Variants in ZNF12 observed in about 807,000 individuals in gnomAD.
ZNF12 encodes the protein zinc finger protein 12.
A neutral mutation model predicts 66.6 loss-of-function variants in ZNF12; 34 were observed. The ratio of observed to expected loss-of-function variants is 0.51; its 90% CI spans 0.39 to 0.68. The LOEUF is 0.68. Ranked by LOEUF, ZNF12 falls within the 30% of genes least tolerant of loss-of-function variation. The pLI, the probability that ZNF12 is intolerant of heterozygous loss-of-function variation, is 0.00. For synonymous variants in ZNF12, 320 were observed against 278.9 expected (o/e 1.15, Z -1.47); for missense variants, 697 against 826.9 (o/e 0.84, Z 1.93).
intron 4 of ZNF12, among the ~76,000 whole-genome samples, chr7:6,694,218 C>G (rs76994319): frequency 8.6e-5 from 13 of 151,902 alleles, no homozygotes; most frequent in African/African-American, 2.9e-4. Flanking sequence ...GATCCCTTAC[C>G]ATGCTCCTAA....
chr7:6,706,392 C>T (rs776093021), intron 1 of ZNF12, 40 bp downstream of exon 1: 2 of 461,424 alleles, frequency 4.3e-6, no homozygotes, highest in Non-Finnish European at 4.3e-6. Flanking sequence ...TGACTTCACC[C>T]AGGCCCTTCT....
At position 6,691,957 on chromosome 7, in the gene ZNF12, C is replaced by T. The variant is rs775349491; in HGVS notation, c.985G>A (p.Glu329Lys). Residue 329 changes from glutamate (E) to lysine (K), a missense_variant, in exon 5 of 5, where the codon GAA becomes AAA. Glu to Lys is a moderately conservative substitution (Grantham distance 56, BLOSUM62 1). Transcript: ENST00000405858. ...TTCTGGTAAAAGTTCTTCCCACATTCATTACATTCATAGGGCTTCTCCCCT... is the reference window on the plus strand; with the variant it reads ...TTCTGGTAAAAGTTCTTCCCACATTTATTACATTCATAGGGCTTCTCCCCT... ...HTGEKPYECN[E>K]CGKNFYQKLH... 1 of 1,614,092 alleles carries T rather than the reference C, an allele frequency of 6.2e-7. No individual in the cohort carries two copies. The highest frequency in any genetic ancestry group is 8.5e-7 in the Non-Finnish European group (1 of 1,179,998).
rs777580545 is a variant in ZNF12 at position 6,691,058 on chromosome 7, T to C, written c.1884A>G (p.Ser628=). 6.2e-7 allele frequency: 1 copy of C among 1,614,184 alleles called. No homozygotes were observed. The highest frequency in any genetic ancestry group is 2.2e-5 in the East Asian group (1 of 44,870). ...SYLTIHHRIH[S]GEKPFECNEC... is the part of the protein sequence containing the mutation. ...CATTACATTCAAAGGGTTTCTCTCC[T>C]GAATGAATTCGATGATGTATAGTGA... Residue 628 remains serine (S), a synonymous_variant, in exon 5 of 5, where the codon TCA becomes TCG. Transcript: ENST00000405858.
In ZNF12 at chr7:6,705,322, C is replaced by T. The variant is rs1054304562; in HGVS notation, c.-50-99G>A. ...CCTACACAGAAAGTTCCAAGAAGTA[C>T]ATCTTGTGGGAGACTGTCCCTTTAA... On this transcript the variant is annotated intron_variant, in intron 1 of 4. Coordinates refer to ENST00000405858, the MANE Select transcript of ZNF12 (RefSeq NM_016265.4). This position sits in a 1 kb window ranked among gnomAD's most constrained non-coding sequence, Gnocchi z 4.0. 7.0e-6 allele frequency: 6 copies of T among 854,164 alleles called. No individual in the cohort carries two copies. Among genetic ancestry groups the T allele is most frequent in the East Asian group, 5.3e-5 (2 of 37,580 alleles). The allele number at this position is 854,164 out of a possible 1,614,324, so 52.9% of individuals were successfully genotyped here. A position where few individuals can be genotyped will look rare whatever the true frequency, so the allele number is the denominator to read the frequency against.
Position 6,697,203 on chromosome 7 carries a change from T to C in ZNF12, c.238+136A>G, listed in dbSNP as rs1165810839. 5.1e-5 allele frequency: 30 copies of C among 590,530 alleles called. No homozygotes were observed. Among genetic ancestry groups the C allele is most frequent in the Non-Finnish European group, 8.6e-5 (30 of 350,720 alleles). The allele number at this position is 590,530 out of a possible 1,614,324, so 36.6% of individuals were successfully genotyped here. On this transcript the variant is annotated intron_variant, in intron 4 of 4. Transcript: ENST00000405858. This position sits in a 1 kb window ranked among gnomAD's most constrained non-coding sequence, Gnocchi z 6.1. ...AGTTCTTACGGGGAAGGAAGAAGTC[T>C]TTGGGAGTGAGATTCAGGTTCATAG...
intron 4 of ZNF12, among the ~76,000 whole-genome samples, chr7:6,694,217 C>A (rs372144230): frequency 3.3e-5 from 5 of 151,856 alleles, no homozygotes; most frequent in African/African-American, 1.2e-4. Context: ...AGATCCCTTA[C>A]CATGCTCCTA....
Position 6,698,151 on chromosome 7 carries a change from C to T in ZNF12, c.16-340G>A. ...CAGAACCCCAGGATGCACTCTGCTTCTTTGCACATTCTTCAATTTGCTTCT... is the reference window on the plus strand; with the variant it reads ...CAGAACCCCAGGATGCACTCTGCTTTTTTGCACATTCTTCAATTTGCTTCT... On this transcript the variant is annotated intron_variant, in intron 2 of 4. Coordinates refer to ENST00000405858, the MANE Select transcript of ZNF12 (RefSeq NM_016265.4). The surrounding 1 kb of genome is among the most constrained non-coding windows in gnomAD (Gnocchi z 4.4). The T allele has an allele frequency of 2.1e-6, 1 of 478,376 alleles. No individual in the cohort carries two copies. Among genetic ancestry groups the T allele is most frequent in the Non-Finnish European group, 4.0e-6 (1 of 250,810 alleles). The allele number at this position is 478,376 out of a possible 1,614,324, so 29.6% of individuals were successfully genotyped here.
rs986046743 is a variant in ZNF12, at chr7:6,696,951, G to C, written c.238+388C>G. Among the ~76,000 whole-genome samples, 6 of 151,214 alleles carry C rather than the reference G, an allele frequency of 4.0e-5. No individual in the cohort carries two copies. The highest frequency in any genetic ancestry group is 1.5e-4 in the African/African-American group (6 of 41,026). On this transcript the variant is annotated intron_variant, in intron 4 of 4. Coordinates refer to ENST00000405858, the MANE Select transcript of ZNF12 (RefSeq NM_016265.4). The surrounding 1 kb of genome is among the most constrained non-coding windows in gnomAD (Gnocchi z 4.0). ...GAACAGGGTCCAGAAACAGTCTCAG[G>C]CACTGCACGGTAAAGATTAAAAAAA...
intron 1 of ZNF12, 60 bp downstream of exon 1, chr7:6,706,372 C>A: frequency 2.2e-6 from 1 of 456,564 alleles, no homozygotes; most frequent in Non-Finnish European, 4.4e-6. Context: ...CTAAGGTGCC[C>A]TACACGCGGT....
At position 6,690,254 on chromosome 7, in the gene ZNF12, A is replaced by C. The variant is rs1275793818; in HGVS notation, c.*594T>G. The stretch of plus-strand genomic sequence containing the variant: ...CAAAATAAGGATACAACGTTTTTTC[A>C]AACATGATTCGAAGTGAACATACAA... On this transcript the variant is annotated 3_prime_UTR_variant, in exon 5 of 5. Transcript: ENST00000405858. 1 of 152,206 alleles carries C rather than the reference A, an allele frequency of 6.6e-6. No individual in the cohort carries two copies. The highest frequency in any genetic ancestry group is 1.5e-5 in the Non-Finnish European group (1 of 68,038). The allele number at this position is 152,206 out of a possible 1,614,324, so 9.4% of individuals were successfully genotyped here. A position where few individuals can be genotyped will look rare whatever the true frequency, so the allele number is the denominator to read the frequency against.
At chr7:6,693,342 T>C (rs971657339) in intron 4 of ZNF12, among the ~76,000 whole-genome samples, 2 of 152,248 alleles carry the variant, frequency 1.3e-5, no homozygotes, top group African/African-American at 4.8e-5. Context: ...AACCAGGGCA[T>C]TCGCCCTGTA....
rs1780050259 is a variant in ZNF12, at chr7:6,690,616, T to C, written c.*232A>G. On this transcript the variant is annotated 3_prime_UTR_variant, in exon 5 of 5. Coordinates refer to ENST00000405858, the MANE Select transcript of ZNF12 (RefSeq NM_016265.4). ...CAATCCATGGTGACATGTATATACA[T>C]TCTTAATATTTATAAATTTTTACTT... 4.4e-6 allele frequency: 2 copies of C among 458,554 alleles called. No homozygotes were observed. The highest frequency in any genetic ancestry group is 3.9e-5 in the Admixed American group (1 of 25,900). The allele number at this position is 458,554 out of a possible 1,614,324, so 28.4% of individuals were successfully genotyped here.
In ZNF12 at chr7:6,696,240, G is replaced by A. The variant is rs1445228512; in HGVS notation, c.238+1099C>T. ...AGGACAATGAAGACATTTCACACTG[G>A]ACAAAATCCAGTAATCCAGAGAGAT... On this transcript the variant is annotated intron_variant, in intron 4 of 4. Transcript: ENST00000405858. This position sits in a 1 kb window ranked among gnomAD's most constrained non-coding sequence, Gnocchi z 4.0. Among the ~76,000 whole-genome samples the A allele has an allele frequency of 6.6e-6, 1 of 152,162 alleles. No homozygotes were observed. Among genetic ancestry groups the A allele is most frequent in the African/African-American group, 2.4e-5 (1 of 41,430 alleles).
Position 6,705,588 on chromosome 7 carries a change from G to A in ZNF12, c.-50-365C>T, listed in dbSNP as rs924424004. 3.3e-5 allele frequency among the ~76,000 whole-genome samples: 5 copies of A among 152,092 alleles called. No individual in the cohort carries two copies. The highest frequency in any genetic ancestry group is 6.5e-5 in the Admixed American group (1 of 15,268). On this transcript the variant is annotated intron_variant, in intron 1 of 4. Transcript: ENST00000405858. The surrounding 1 kb of genome is among the most constrained non-coding windows in gnomAD (Gnocchi z 4.0). The stretch of plus-strand genomic sequence containing the variant: ...ACAAAAATTAGCTGGGCGTGGTGGC[G>A]GGCGCCTGTAACCCCAGCTACTCGG...
chr7:6,702,253 C>T (rs975881126), intron 2 of ZNF12, among the ~76,000 whole-genome samples: 1 of 149,418 alleles, frequency 6.7e-6, no homozygotes, highest in Non-Finnish European at 1.5e-5. Flanking sequence ...TCCTCCTTCT[C>T]TACCAGACTG....
intron 2 of ZNF12, among the ~76,000 whole-genome samples, chr7:6,700,242 G>A (rs1035382015): frequency 6.0e-5 from 9 of 150,106 alleles, no homozygotes; most frequent in South Asian, 4.2e-4. Flanking sequence ...CCGAGATCGA[G>A]CCACTGTACT....
chr7:6,690,200 T>C lies in ZNF12; in HGVS notation c.*648A>G, dbSNP rs1190089547. 1 of 151,110 alleles carries C rather than the reference T, an allele frequency of 6.6e-6. No homozygotes were observed. The highest frequency in any genetic ancestry group is 2.5e-5 in the African/African-American group (1 of 40,712). The allele number at this position is 151,110 out of a possible 1,614,324, so 9.4% of individuals were successfully genotyped here. A position where few individuals can be genotyped will look rare whatever the true frequency, so the allele number is the denominator to read the frequency against. Reference sequence around the variant, plus strand: ...CTATCAAATGATATTAATGTAGTGCTGTTTAGAATACTCTTACTATATGAA... The same window carrying C: ...CTATCAAATGATATTAATGTAGTGCCGTTTAGAATACTCTTACTATATGAA... On this transcript the variant is annotated 3_prime_UTR_variant, in exon 5 of 5. Coordinates refer to ENST00000405858, the MANE Select transcript of ZNF12 (RefSeq NM_016265.4).
At position 6,696,638 on chromosome 7, in the gene ZNF12, C is replaced by T. The variant is rs1427986549; in HGVS notation, c.238+701G>A. Among the ~76,000 whole-genome samples the T allele has an allele frequency of 6.6e-6, 1 of 152,188 alleles. No individual in the cohort carries two copies. Among genetic ancestry groups the T allele is most frequent in the Non-Finnish European group, 1.5e-5 (1 of 68,044 alleles). On this transcript the variant is annotated intron_variant, in intron 4 of 4. Transcript: ENST00000405858. The surrounding 1 kb of genome is among the most constrained non-coding windows in gnomAD (Gnocchi z 4.0). ...TTTCTGGAGGTGGTGGAAGCATAAA[C>T]CAGACTTCATTTGCGTATATGATAC...
In ZNF12 at chr7:6,692,596, C is replaced by T; in HGVS notation, c.346G>A (p.Val116Ile). 6.2e-7 allele frequency: 1 copy of T among 1,613,874 alleles called. No homozygotes were observed. Among genetic ancestry groups the T allele is most frequent in the African/African-American group, 1.3e-5 (1 of 75,042 alleles). Reference sequence around the variant, plus strand: ...TCTACATCAAAAGTTTTACCAGGAACATTACCTCTCTCTTCAATCAGGGTC... The same window carrying T: ...TCTACATCAAAAGTTTTACCAGGAATATTACCTCTCTCTTCAATCAGGGTC... ...IETLIEERGN[V>I]PGKTFDVETN... Residue 116 changes from valine to isoleucine, a missense_variant, in exon 5 of 5, where the codon GTT becomes ATT. Coordinates refer to ENST00000405858, the MANE Select transcript of ZNF12 (RefSeq NM_016265.4). This position sits in a 1 kb window ranked among gnomAD's most constrained non-coding sequence, Gnocchi z 5.1.
Sources: allele counts gnomAD v4.1 joint callset (sites outside exome capture counted in the v4.1 genomes callset), GRCh38; gene constraint gnomAD v4.1.1; non-coding constraint Gnocchi (gnomAD v3.1); transcripts MANE v1.5; gene names NCBI Gene and HGNC (gene_info 2026-07-23, HGNC 2026-07-21).